Variants in CNTNAP5 observed in about 807,000 individuals in gnomAD.
CNTNAP5 encodes the protein contactin associated protein family member 5.
In CNTNAP5, 72 loss-of-function variants were observed where a neutral mutation model predicts 150.2. The ratio of observed to expected loss-of-function variants is 0.48; its 90% CI spans 0.40 to 0.58. The LOEUF is 0.58. CNTNAP5 is among the 20% of genes least tolerant of loss of function. The probability of loss-of-function intolerance (pLI) is 0.00; values close to 1 mark genes in which losing one functional copy is unlikely to be tolerated. For synonymous variants in CNTNAP5, 672 were observed against 619.8 expected (o/e 1.08, Z -1.25); for missense variants, 1,636 against 1,626.2 (o/e 1.01, Z -0.10).
intron 17 of CNTNAP5, among the ~76,000 whole-genome samples, chr2:124,777,607 T>A (rs975987654): frequency 1.3e-5 from 2 of 152,108 alleles, no homozygotes; most frequent in African/African-American, 4.8e-5. Context: ...GGTCTCCAAT[T>A]CCTGGGCTCA....
intron 21 of CNTNAP5, among the ~76,000 whole-genome samples, chr2:124,890,271 G>A (rs1031049211): frequency 6.6e-6 from 1 of 151,962 alleles, no homozygotes; most frequent in African/African-American, 2.4e-5. Context: ...CTATCTATAT[G>A]GCAATCCGGA....
At chr2:124,332,141 A>G (rs896990939) in intron 3 of CNTNAP5, among the ~76,000 whole-genome samples, 6 of 151,716 alleles carry the variant, frequency 4.0e-5, no homozygotes, top group Non-Finnish European at 8.8e-5. Context: ...TCTTCTACTT[A>G]CTGATTTCTT....
At chr2:124,161,179 G>T (rs994876380) in intron 1 of CNTNAP5, among the ~76,000 whole-genome samples, 1 of 152,038 alleles carries the variant, frequency 6.6e-6, no homozygotes, top group Non-Finnish European at 1.5e-5. Flanking sequence ...TAACAACCCC[G>T]AAAAGTAGAT....
At chr2:124,677,578 A>G (rs935352602) in intron 13 of CNTNAP5, among the ~76,000 whole-genome samples, 4 of 152,098 alleles carry the variant, frequency 2.6e-5, no homozygotes, top group African/African-American at 9.7e-5. Flanking sequence ...GACACAGAGC[A>G]CTGATTGGTG....
chr2:124,723,939 A>AT (rs1356048769), intron 13 of CNTNAP5, among the ~76,000 whole-genome samples: 2 of 141,356 alleles, frequency 1.4e-5, no homozygotes, highest in East Asian at 3.9e-4. Context: ...AGGGCAGGAG[A>AT]TTGAGGCCAT....
chr2:124,404,690 G>C (rs1691524942), intron 3 of CNTNAP5, among the ~76,000 whole-genome samples: 1 of 152,174 alleles, frequency 6.6e-6, no homozygotes, highest in South Asian at 2.1e-4. Flanking sequence ...AGCTCTCCCT[G>C]TGATCTCCTT....
At chr2:124,026,655 A>C (rs958977412) in intron 1 of CNTNAP5, among the ~76,000 whole-genome samples, 4 of 152,244 alleles carry the variant, frequency 2.6e-5, no homozygotes, top group Admixed American at 2.0e-4. Flanking sequence ...CAATTAAGCC[A>C]TCTGTGTTGT....
intron 5 of CNTNAP5, among the ~76,000 whole-genome samples, chr2:124,444,067 C>G (rs920601226): frequency 6.6e-6 from 1 of 152,046 alleles, no homozygotes; most frequent in Non-Finnish European, 1.5e-5. Flanking sequence ...TGAGTCATTT[C>G]ATTTTATACA....
At chr2:124,137,828 A>G (rs1484642359) in intron 1 of CNTNAP5, among the ~76,000 whole-genome samples, 1 of 151,954 alleles carries the variant, frequency 6.6e-6, no homozygotes, top group East Asian at 1.9e-4. Context: ...GCAGAGGGCC[A>G]TGAGCCTAGA....
chr2:124,482,928 G>A (rs1693793485), intron 7 of CNTNAP5, among the ~76,000 whole-genome samples: 2 of 152,160 alleles, frequency 1.3e-5, no homozygotes, highest in African/African-American at 2.4e-5. Flanking sequence ...GTTATAATCA[G>A]TTTGTCCTAC....
chr2:124,636,803 C>A (rs545627875), intron 12 of CNTNAP5, among the ~76,000 whole-genome samples: 36 of 151,976 alleles, frequency 2.4e-4, no homozygotes, highest in Admixed American at 1.1e-3. Context: ...TCCTAAATGT[C>A]CAAACCTACA....
intron 11 of CNTNAP5, among the ~76,000 whole-genome samples, chr2:124,586,858 T>C (rs1696549500): frequency 6.6e-6 from 1 of 152,210 alleles, no homozygotes; most frequent in South Asian, 2.1e-4. Context: ...AATAAGTCTC[T>C]GAATATCATA....
At chr2:124,128,469 T>C (rs1054934334) in intron 1 of CNTNAP5, among the ~76,000 whole-genome samples, 4 of 152,154 alleles carry the variant, frequency 2.6e-5, no homozygotes, top group Admixed American at 6.5e-5. Context: ...GGTGGGACTG[T>C]AAACTAGTTA....
intron 17 of CNTNAP5, among the ~76,000 whole-genome samples, chr2:124,776,791 A>G (rs1156904494): frequency 1.3e-5 from 2 of 152,208 alleles, no homozygotes; most frequent in Admixed American, 6.5e-5. Context: ...ATAAAGCTGT[A>G]TTTGCATGGA....
At chr2:124,169,662 C>T (rs1403256430) in intron 1 of CNTNAP5, among the ~76,000 whole-genome samples, 1 of 152,176 alleles carries the variant, frequency 6.6e-6, no homozygotes, top group Non-Finnish European at 1.5e-5. Context: ...ATTTATAATG[C>T]TTCAAAAATG....
Position 124,594,529 on chromosome 2 carries a change from G to T in CNTNAP5, c.1757-15272G>T, listed in dbSNP as rs1356037932. On this transcript the variant is annotated intron_variant, in intron 11 of 23. Transcript: ENST00000682447. ...TTTGGTACCAGTACCATGCTGTTTT[G>T]GTTACTGTAGCCTTGTAGTATAGTT... Among the ~76,000 whole-genome samples the T allele has an allele frequency of 4.0e-5, 6 of 148,856 alleles. 1 individual carries two copies. The highest frequency in any genetic ancestry group is 1.5e-4 in the African/African-American group (6 of 40,700).
intron 13 of CNTNAP5, among the ~76,000 whole-genome samples, chr2:124,682,968 C>T (rs1455177528): frequency 1.3e-5 from 2 of 152,216 alleles, no homozygotes; most frequent in Non-Finnish European, 2.9e-5. Context: ...GTGATCATCA[C>T]ACATTTTTCT....
chr2:124,676,374 T>C (rs1573540735), intron 13 of CNTNAP5, among the ~76,000 whole-genome samples: 1 of 152,348 alleles, frequency 6.6e-6, no homozygotes, highest in East Asian at 1.9e-4. Context: ...AGAAATATGC[T>C]GAAGCTTATC....
rs1678240343 is a variant in CNTNAP5 at position 124,647,915 on chromosome 2, G to A, written c.2034G>A (p.Glu678=). The change falls in exon 13 of 24, where the codon GAG becomes GAA. Residue 678 remains glutamate, a synonymous_variant. Coordinates refer to ENST00000682447, the MANE Select transcript of CNTNAP5 (RefSeq NM_001367498.1). ...VIDGSEHCEQ[E]VAYHCRRSRL... ...ACGGCTCTGAGCACTGTGAGCAGGA[G>A]GTGGCCTACCACTGCAGGAGGTCCC... is the stretch of plus-strand genomic sequence containing the variant. The A allele has an allele frequency of 1.2e-6, 2 of 1,609,316 alleles. No homozygotes were observed. The highest frequency in any genetic ancestry group is 2.7e-5 in the African/African-American group (2 of 74,972).
Sources: allele counts gnomAD v4.1 joint callset (sites outside exome capture counted in the v4.1 genomes callset), GRCh38; gene constraint gnomAD v4.1.1; transcripts MANE v1.5; gene names NCBI Gene and HGNC (gene_info 2026-07-23, HGNC 2026-07-21).